Variants in BMPR2 observed in about 807,000 individuals in gnomAD.
BMPR2 encodes the protein bone morphogenetic protein receptor type 2.
Under a neutral mutation model 100.8 loss-of-function variants are expected in BMPR2, and 29 were observed. The ratio of observed to expected loss-of-function variants is 0.29; its 90% CI spans 0.21 to 0.39. The LOEUF (loss-of-function observed/expected upper bound fraction) is 0.39, where lower values mean the gene tolerates loss of function less well. BMPR2 is among the 10% of genes least tolerant of loss of function. The pLI, the probability that BMPR2 is intolerant of heterozygous loss-of-function variation, is 1.00. For missense variants in BMPR2, 1,011 were observed against 1,274.5 expected (o/e 0.79, Z 3.15); for synonymous variants, 382 against 442.3 (o/e 0.86, Z 1.71).
rs1041630207 is a variant in BMPR2, at chr2:202,446,202, AC to A, written c.77-18605del. ...GATCCCCTGAGGTTGGGAGTTCAAG[AC>A]CAGCCTGACAACATGGAGAAACCCT... On this transcript the variant is annotated intron_variant, in intron 1 of 12. Transcript: ENST00000374580. Among the ~76,000 whole-genome samples the A allele has an allele frequency of 3.5e-4, 52 of 150,272 alleles. 2 individuals are homozygous for A. The highest frequency in any genetic ancestry group is 2.9e-3 in the Admixed American group (44 of 15,210).
At chr2:202,559,226 C>T (rs1024800302) in intron 12 of BMPR2, among the ~76,000 whole-genome samples, 14 of 150,382 alleles carry the variant, frequency 9.3e-5, no homozygotes, top group Admixed American at 3.3e-4. Context: ...CACTTGAGCC[C>T]GGGAAACAGA....
At chr2:202,476,191 A>C (rs979866937) in intron 3 of BMPR2, among the ~76,000 whole-genome samples, 1 of 151,734 alleles carries the variant, frequency 6.6e-6, no homozygotes, top group Non-Finnish European at 1.5e-5. Flanking sequence ...GTTGCAGACT[A>C]TGAAATAATT....
intron 1 of BMPR2, among the ~76,000 whole-genome samples, chr2:202,421,459 C>G (rs992496588): frequency 3.9e-5 from 5 of 127,964 alleles, no homozygotes; most frequent in Admixed American, 8.2e-5. Flanking sequence ...TACCCGCCCC[C>G]ACCTTTTTTT....
chr2:202,485,869 A>G (rs1692768067), intron 3 of BMPR2, among the ~76,000 whole-genome samples: 1 of 151,974 alleles, frequency 6.6e-6, no homozygotes, highest in Admixed American at 6.6e-5. Context: ...TTATAAGGAC[A>G]TCTGTCCTTG....
At chr2:202,542,181 A>G (rs1688288420) in intron 9 of BMPR2, 130 bp from the exon 10 acceptor site, 3 of 1,049,274 alleles carry the variant, frequency 2.9e-6, no homozygotes, top group African/African-American at 3.2e-5. Context: ...ATGTGCCTGA[A>G]GGGGATGAAA....
At chr2:202,520,591 C>T (rs1687802477) in intron 7 of BMPR2, 1 of 272,646 alleles carries the variant, frequency 3.7e-6, no homozygotes, top group Non-Finnish European at 7.1e-6. Flanking sequence ...AAGGACCCTA[C>T]CATTTATGGG....
At chr2:202,476,745 C>T (rs987241179) in intron 3 of BMPR2, among the ~76,000 whole-genome samples, 13 of 151,948 alleles carry the variant, frequency 8.6e-5, no homozygotes, top group East Asian at 1.9e-4. Context: ...GCTGAGATTG[C>T]GCCATTGCAC....
intron 3 of BMPR2, among the ~76,000 whole-genome samples, chr2:202,494,636 G>A (rs1166505430): frequency 1.3e-5 from 2 of 152,008 alleles, no homozygotes; most frequent in African/African-American, 4.8e-5. Flanking sequence ...AACTTAATAG[G>A]GAAGAAAAAG....
intron 12 of BMPR2, among the ~76,000 whole-genome samples, chr2:202,558,051 G>A (rs899063347): frequency 1.4e-4 from 21 of 152,240 alleles, no homozygotes; most frequent in African/African-American, 4.6e-4. Context: ...AGGCACGGTG[G>A]CTCACGCCTG....
At chr2:202,452,985 G>A (rs1182851203) in intron 1 of BMPR2, among the ~76,000 whole-genome samples, 1 of 152,144 alleles carries the variant, frequency 6.6e-6, no homozygotes, top group African/African-American at 2.4e-5. Context: ...AGAACAGAAT[G>A]CATGAAGGCC....
chr2:202,545,630 A>G (rs1431370529), intron 10 of BMPR2, among the ~76,000 whole-genome samples: 3 of 152,164 alleles, frequency 2.0e-5, no homozygotes, highest in Non-Finnish European at 1.5e-5. Flanking sequence ...GAGACAGGGT[A>G]GAGACACATT....
At chr2:202,441,550 AAAC>A (rs1429243154) in intron 1 of BMPR2, among the ~76,000 whole-genome samples, 2 of 146,748 alleles carry the variant, frequency 1.4e-5, no homozygotes, top group Non-Finnish European at 3.0e-5. Context: ...TAAAAAAAAA[AAAC>A]AACAAAAAAC....
At chr2:202,462,106 T>TAAA (rs1473566773) in intron 1 of BMPR2, among the ~76,000 whole-genome samples, 2 of 152,082 alleles carry the variant, frequency 1.3e-5, no homozygotes, top group African/African-American at 2.4e-5. Context: ...GGGACTGGAC[T>TAAA]AAAAGCCAGT....
At chr2:202,446,656 A>ATTTTTTTT (rs71406978) in intron 1 of BMPR2, among the ~76,000 whole-genome samples, 3 of 142,110 alleles carry the variant, frequency 2.1e-5, no homozygotes, top group African/African-American at 8.2e-5. Flanking sequence ...ACTCACATAC[A>ATTTTTTTT]TTTTTTTTTT....
At chr2:202,539,918 G>A (rs866582192) in intron 9 of BMPR2, among the ~76,000 whole-genome samples, 5 of 152,088 alleles carry the variant, frequency 3.3e-5, no homozygotes, top group East Asian at 3.8e-4. Context: ...GCAATCCAGC[G>A]ATAGTAAGGA....
intron 1 of BMPR2, among the ~76,000 whole-genome samples, chr2:202,459,309 C>G (rs571976857): frequency 6.6e-6 from 1 of 152,306 alleles, no homozygotes; most frequent in East Asian, 1.9e-4. Context: ...TTATACATCA[C>G]AAGAAATAGA....
intron 1 of BMPR2, among the ~76,000 whole-genome samples, chr2:202,435,139 C>G (rs1691588755): frequency 6.9e-6 from 1 of 144,734 alleles, no homozygotes; most frequent in African/African-American, 2.7e-5. Context: ...GCAGGCAGAT[C>G]ACCTGAGGTC....
At position 202,555,828 on chromosome 2, in the gene BMPR2, G is replaced by T; in HGVS notation, c.2163G>T (p.Gln721His). The T allele has an allele frequency of 1.2e-6, 2 of 1,614,086 alleles. No homozygotes were observed. Among genetic ancestry groups the T allele is most frequent in the Non-Finnish European group, 1.7e-6 (2 of 1,180,024 alleles). The change falls in exon 12 of 13, where the codon CAG becomes CAT. Residue 721 changes from glutamine to histidine, a missense_variant. Gln to His is a conservative substitution (Grantham distance 24). Around this residue, in one of 6 missense-constraint regions of BMPR2, gnomAD observed 508 missense variants for 552.0 expected, o/e 0.92. Coordinates refer to ENST00000374580, the MANE Select transcript of BMPR2 (RefSeq NM_001204.7). ...TTGCAGTAGAAGCAACTGGACAGCA[G>T]GACTTCACACAGACTGCAAATGGCC... Reference protein sequence around the residue: ...IKLAVEATGQQDFTQTANGQA... With the variant: ...IKLAVEATGQHDFTQTANGQA...
Position 202,555,233 on chromosome 2 carries a change from C to CT in BMPR2, c.1587-12dup. The CT allele has an allele frequency of 6.2e-7, 1 of 1,604,374 alleles. No individual in the cohort carries two copies. Among genetic ancestry groups the CT allele is most frequent in the Non-Finnish European group, 8.5e-7 (1 of 1,171,634 alleles). ...ATAAATGTACGTTCTCAATGTGATA[C>CT]TTTTTTTCTTTCTTTAAGCAACCTG... is the stretch of plus-strand genomic sequence containing the variant. On this transcript the variant is annotated intron_variant, in intron 11 of 12. Coordinates refer to ENST00000374580, the MANE Select transcript of BMPR2 (RefSeq NM_001204.7).
Sources: gnomAD v4.1 joint callset for allele counts (sites outside exome capture counted in the v4.1 genomes callset) on GRCh38, gnomAD v4.1.1 for gene constraint, gnomAD v4.1.1 regional missense constraint, MANE v1.5 for transcripts, NCBI Gene and HGNC (gene_info 2026-07-23, HGNC 2026-07-21) for gene names.